Variants in ACSBG1 observed in about 807,000 individuals in gnomAD.
ACSBG1 encodes acyl-CoA synthetase bubblegum family member 1, also known as long-chain-fatty-acid--CoA ligase ACSBG1.
In ACSBG1, 39 loss-of-function variants were observed where a neutral mutation model predicts 80.2. That is an observed-to-expected ratio of 0.49 (90% CI 0.38 to 0.64). ACSBG1 has a LOEUF of 0.64. Ranked by LOEUF, ACSBG1 falls within the 30% of genes least tolerant of loss-of-function variation. ACSBG1 has a pLI of 0.00. For missense variants in ACSBG1, 828 were observed against 966.4 expected, an observed-to-expected ratio of 0.86 and a Z score of 1.90; for synonymous variants, 392 against 379.5, an observed-to-expected ratio of 1.03 and a Z score of -0.38.
chr15:78,197,788 T>C (rs1179660689), intron 2 of ACSBG1, among the ~76,000 whole-genome samples: 2 of 149,254 alleles, frequency 1.3e-5, no homozygotes, highest in Non-Finnish European at 3.0e-5. Flanking sequence ...TCTTGTGCAA[T>C]GGCCCTCAGA....
chr15:78,215,752 A>AAGAAAGAAAGAAAGAAAG (rs1282697935), intron 1 of ACSBG1, among the ~76,000 whole-genome samples: 1 of 149,540 alleles, frequency 6.7e-6, no homozygotes, highest in African/African-American at 2.5e-5. Flanking sequence ...GAAAGAAAGA[A>AAGAAAGAAAGAAAGAAAG]AGAAAGAAAG....
chr15:78,232,366 T>C (rs1045620885), intron 1 of ACSBG1, among the ~76,000 whole-genome samples: 1 of 152,240 alleles, frequency 6.6e-6, no homozygotes, highest in South Asian at 2.1e-4. Context: ...AAGACCCATT[T>C]ACCCTTTCAG....
At chr15:78,194,079 C>T in intron 3 of ACSBG1, 59 bp from the exon 4 acceptor site, 1 of 1,535,678 alleles carries the variant, frequency 6.5e-7, no homozygotes, top group Non-Finnish European at 9.0e-7. Context: ...CCCTCATGCC[C>T]CTCTCAGAGC....
chr15:78,180,984 G>T (rs889829083), intron 8 of ACSBG1, 48 bp from the exon 9 acceptor site: 3 of 1,585,728 alleles, frequency 1.9e-6, no homozygotes, highest in Non-Finnish European at 2.6e-6. Flanking sequence ...GGCATCTGGG[G>T]CCCAGGGGTC....
At chr15:78,183,637 G>A (rs746412863) in intron 5 of ACSBG1, among the ~76,000 whole-genome samples, 6 of 152,124 alleles carry the variant, frequency 3.9e-5, no homozygotes, top group East Asian at 3.9e-4. Flanking sequence ...TAGGAAGAGC[G>A]GGAATAAAGG....
intron 2 of ACSBG1, among the ~76,000 whole-genome samples, chr15:78,195,182 G>A (rs537477430): frequency 1.8e-4 from 27 of 152,116 alleles, no homozygotes; most frequent in Non-Finnish European, 2.6e-4. Context: ...GGGTCTGGAG[G>A]AGACTGAAAA....
chr15:78,225,995 T>C (rs1343433336), intron 1 of ACSBG1, among the ~76,000 whole-genome samples: 2 of 152,282 alleles, frequency 1.3e-5, no homozygotes, highest in South Asian at 2.1e-4. Flanking sequence ...CCTCCCTGAA[T>C]GTTAGCTAGA....
Position 78,214,027 on chromosome 15 carries a change from C to G in ACSBG1, c.132-5925G>C, listed in dbSNP as rs1342686307. On this transcript the variant is annotated intron_variant, in intron 1 of 13. Coordinates refer to ENST00000258873, the MANE Select transcript of ACSBG1 (RefSeq NM_015162.5). ...CAGGATGCTACGTACACAAGGTTTACCCAGTATGTGCATGTCATAAAACTT... is the reference window on the plus strand; with the variant it reads ...CAGGATGCTACGTACACAAGGTTTAGCCAGTATGTGCATGTCATAAAACTT... Among the ~76,000 whole-genome samples the G allele has an allele frequency of 1.3e-5, 2 of 152,188 alleles. 1 individual carries two copies. The highest frequency in any genetic ancestry group is 2.9e-5 in the Non-Finnish European group (2 of 68,030).
chr15:78,232,509 C>G (rs1303451526), intron 1 of ACSBG1, among the ~76,000 whole-genome samples: 1 of 152,168 alleles, frequency 6.6e-6, no homozygotes, highest in African/African-American at 2.4e-5. Flanking sequence ...CACCCCTTTT[C>G]ACCACAGGCC....
intron 1 of ACSBG1, among the ~76,000 whole-genome samples, chr15:78,218,548 T>C (rs1335318497): frequency 6.6e-6 from 1 of 152,184 alleles, no homozygotes; most frequent in Non-Finnish European, 1.5e-5. Context: ...TTTTAAAAAG[T>C]GACAACTAAC....
chr15:78,223,198 GT>G (rs1044786279), intron 1 of ACSBG1, among the ~76,000 whole-genome samples: 5 of 148,068 alleles, frequency 3.4e-5, no homozygotes, highest in African/African-American at 1.2e-4. Flanking sequence ...AACGCGCGAT[GT>G]TGGAGAGCAT....
intron 1 of ACSBG1, among the ~76,000 whole-genome samples, chr15:78,215,720 GAAAGAGAA>G (rs1183428508): frequency 5.8e-5 from 7 of 120,650 alleles, no homozygotes; most frequent in African/African-American, 1.7e-4. Flanking sequence ...GAGAAAGAAA[GAAAGAGAA>G]AGAAAGAAAG....
Position 78,171,709 on chromosome 15 carries a change from A to G in ACSBG1, c.2090-180T>C, listed in dbSNP as rs868760241. On this transcript the variant is annotated intron_variant, in intron 13 of 13. Coordinates refer to ENST00000258873, the MANE Select transcript of ACSBG1 (RefSeq NM_015162.5). Reference sequence around the variant, plus strand: ...CCTGGTATTCATATGGCTTGTGTGTAGTCTCCTGTGTTATACCACTGGTTG... The same window carrying G: ...CCTGGTATTCATATGGCTTGTGTGTGGTCTCCTGTGTTATACCACTGGTTG... 8.8e-6 allele frequency: 5 copies of G among 565,768 alleles called. No homozygotes were observed. In the South Asian group the frequency reaches 1.0e-4, roughly 11 times the overall value. 35.0% of individuals were successfully genotyped at this position (565,768 alleles called of 1,614,324 possible). A position where few individuals can be genotyped will look rare whatever the true frequency, so the allele number is the denominator to read the frequency against.
chr15:78,205,999 C>T (rs547027195), intron 2 of ACSBG1, among the ~76,000 whole-genome samples: 30 of 152,316 alleles, frequency 2.0e-4, no homozygotes, highest in Non-Finnish European at 2.9e-4. Context: ...AACTCACCCA[C>T]GCTGTAGCGC....
chr15:78,212,288 C>T (rs1203978719), intron 1 of ACSBG1, among the ~76,000 whole-genome samples: 1 of 152,138 alleles, frequency 6.6e-6, no homozygotes, highest in African/African-American at 2.4e-5. Context: ...CTGCCCGTAT[C>T]CTGTGGCTAC....
chr15:78,194,209 C>A (rs2018983), intron 3 of ACSBG1, among the ~76,000 whole-genome samples, 189 bp from the exon 4 acceptor site: 1 of 152,182 alleles, frequency 6.6e-6, no homozygotes. Flanking sequence ...CTCCCAGGGC[C>A]TTCCCAGCGA....
intron 1 of ACSBG1, among the ~76,000 whole-genome samples, chr15:78,218,011 T>C (rs1479575235): frequency 6.6e-6 from 1 of 152,146 alleles, no homozygotes; most frequent in South Asian, 2.1e-4. Context: ...AAAGCTGACA[T>C]AATTTCAGCC....
In ACSBG1 at chr15:78,189,607, G is replaced by A. The variant is rs2075038847; in HGVS notation, c.663+3899C>T. On this transcript the variant is annotated intron_variant, in intron 5 of 13. Coordinates refer to ENST00000258873, the MANE Select transcript of ACSBG1 (RefSeq NM_015162.5). ...AAACACCACATACTCTCACTCATAG[G>A]TGGGAACTGAACAATGGGAACACAT... Among the ~76,000 whole-genome samples the A allele has an allele frequency of 2.6e-5, 4 of 151,736 alleles. No individual in the cohort carries two copies. In the South Asian group the frequency reaches 8.3e-4, roughly 32 times the overall value.
At chr15:78,181,831 G>T in intron 8 of ACSBG1, 138 bp downstream of exon 8, 1 of 1,153,808 alleles carries the variant, frequency 8.7e-7, no homozygotes, top group Non-Finnish European at 1.2e-6. Context: ...GTCAGGCTGT[G>T]CCCACTGCAG....
Sources: allele counts gnomAD v4.1 joint callset (sites outside exome capture counted in the v4.1 genomes callset), GRCh38; gene constraint gnomAD v4.1.1; transcripts MANE v1.5; gene names NCBI Gene and HGNC (gene_info 2026-07-23, HGNC 2026-07-21).